Variants in LRCH1 observed in about 807,000 individuals in gnomAD.
LRCH1 encodes the protein leucine-rich repeat and calponin homology domain-containing protein 1.
Under a neutral mutation model 94.9 loss-of-function variants are expected in LRCH1, and 23 were observed. The observed-to-expected ratio is 0.24, with a 90% confidence interval of 0.17 to 0.34. LRCH1 has a LOEUF of 0.34. Ranked by LOEUF, LRCH1 falls within the 10% of genes least tolerant of loss-of-function variation. The pLI, the probability that LRCH1 is intolerant of heterozygous loss-of-function variation, is 1.00. For synonymous variants in LRCH1, 364 were observed against 354.9 expected, an observed-to-expected ratio of 1.03 and a Z score of -0.29; for missense variants, 790 against 945.9, an observed-to-expected ratio of 0.84 and a Z score of 2.16.
chr13:46,699,641 G>A (rs961267513), intron 10 of LRCH1, among the ~76,000 whole-genome samples: 1 of 152,182 alleles, frequency 6.6e-6, no homozygotes, highest in African/African-American at 2.4e-5. Context: ...GTTGCGGGTA[G>A]TAATGTGATT....
chr13:46,585,552 C>CAAA (rs35651253), intron 1 of LRCH1, among the ~76,000 whole-genome samples: 23 of 82,072 alleles, frequency 2.8e-4, no homozygotes, highest in African/African-American at 5.9e-4. Flanking sequence ...GACTGCATCT[C>CAAA]AAAAAAAAAA....
At chr13:46,711,986 TATC>T in intron 14 of LRCH1, 142 bp downstream of exon 14, 1 of 586,256 alleles carries the variant, frequency 1.7e-6, no homozygotes, top group Non-Finnish European at 3.0e-6. Flanking sequence ...TCTCATTAGC[TATC>T]ATAGCTTTAT....
intron 2 of LRCH1, among the ~76,000 whole-genome samples, chr13:46,657,495 CTTTTCTTTTTT>C (rs2051386917): frequency 3.6e-4 from 6 of 16,816 alleles, no homozygotes; most frequent in Non-Finnish European, 3.5e-4. Context: ...TTTTTCTTTT[CTTTTCTTTTTT>C]TTTTTTTTTT....
At position 46,743,751 on chromosome 13, in the gene LRCH1, C is replaced by T. The variant is rs1488748593; in HGVS notation, c.*1903C>T. 1 of 984,024 alleles carries T rather than the reference C, an allele frequency of 1.0e-6. No homozygotes were observed. Among genetic ancestry groups the T allele is most frequent in the Non-Finnish European group, 1.2e-6 (1 of 829,580 alleles). 61.0% of individuals were successfully genotyped at this position (984,024 alleles called of 1,614,324 possible). A position where few individuals can be genotyped will look rare whatever the true frequency, so the allele number is the denominator to read the frequency against. The stretch of plus-strand genomic sequence containing the variant: ...GAAAATGGGAAAAAAAAAAAGAAAA[C>T]TTACTGGGTTGCCACCTTAAAATAA... On this transcript the variant is annotated 3_prime_UTR_variant, in exon 20 of 20. Transcript: ENST00000389797.
chr13:46,653,699 C>T (rs1045163302), intron 2 of LRCH1, among the ~76,000 whole-genome samples: 14 of 151,430 alleles, frequency 9.2e-5, no homozygotes, highest in East Asian at 3.9e-4. Flanking sequence ...GGCGTGGTGG[C>T]GTGCACCTGT....
At chr13:46,642,246 CATT>C (rs1292143496) in intron 1 of LRCH1, among the ~76,000 whole-genome samples, 1 of 152,168 alleles carries the variant, frequency 6.6e-6, no homozygotes, top group Non-Finnish European at 1.5e-5. Flanking sequence ...ATGGGTCAGT[CATT>C]TTTTTTTCTT....
At chr13:46,716,431 A>C (rs1322145305) in intron 16 of LRCH1, among the ~76,000 whole-genome samples, 9 of 152,228 alleles carry the variant, frequency 5.9e-5, no homozygotes. Context: ...AGTCTCTGAA[A>C]TATTCAAATT....
intron 7 of LRCH1, among the ~76,000 whole-genome samples, chr13:46,690,891 G>T (rs1310168734): frequency 6.6e-6 from 1 of 152,132 alleles, no homozygotes; most frequent in Non-Finnish European, 1.5e-5. Context: ...TGACATTGTG[G>T]GGTTCAGGGA....
intron 1 of LRCH1, among the ~76,000 whole-genome samples, chr13:46,622,274 A>G (rs564556401): frequency 4.0e-5 from 6 of 151,694 alleles, no homozygotes; most frequent in African/African-American, 1.5e-4. Context: ...TGCCTGGTTA[A>G]TAGAGTATAC....
chr13:46,674,924 G>A (rs1229599206), intron 3 of LRCH1, among the ~76,000 whole-genome samples: 1 of 152,156 alleles, frequency 6.6e-6, no homozygotes, highest in Non-Finnish European at 1.5e-5. Context: ...GTGGGGCTGT[G>A]ATTTTTCTCC....
At chr13:46,558,290 A>G (rs1170296804) in intron 1 of LRCH1, among the ~76,000 whole-genome samples, 1 of 152,188 alleles carries the variant, frequency 6.6e-6, no homozygotes, top group Non-Finnish European at 1.5e-5. Context: ...TGTAGAATTC[A>G]GAGGAAAAGG....
intron 1 of LRCH1, among the ~76,000 whole-genome samples, chr13:46,621,767 C>T (rs1171440687): frequency 6.6e-6 from 1 of 152,162 alleles, no homozygotes; most frequent in Non-Finnish European, 1.5e-5. Flanking sequence ...TTAGTAGCTT[C>T]ATTGTAATCA....
intron 19 of LRCH1, among the ~76,000 whole-genome samples, chr13:46,739,826 C>T (rs781281758): frequency 3.9e-5 from 6 of 152,120 alleles, no homozygotes; most frequent in Admixed American, 3.3e-4. Context: ...TCTGTGGCAT[C>T]GTGAAATTGT....
intron 13 of LRCH1, among the ~76,000 whole-genome samples, chr13:46,708,336 A>G (rs1432135550): frequency 6.8e-6 from 1 of 148,062 alleles, no homozygotes; most frequent in Non-Finnish European, 1.5e-5. Context: ...GAAGTGCACA[A>G]TCTCGGCTCA....
At chr13:46,613,212 A>T (rs992150397) in intron 1 of LRCH1, among the ~76,000 whole-genome samples, 1 of 151,994 alleles carries the variant, frequency 6.6e-6, no homozygotes, top group Non-Finnish European at 1.5e-5. Context: ...CAACATGGTG[A>T]AACCCTGTCT....
chr13:46,559,403 A>AT (rs2050105156), intron 1 of LRCH1, among the ~76,000 whole-genome samples: 1 of 152,210 alleles, frequency 6.6e-6, no homozygotes, highest in African/African-American at 2.4e-5. Flanking sequence ...TATGATTCAT[A>AT]TCCTTTTCTT....
intron 1 of LRCH1, among the ~76,000 whole-genome samples, chr13:46,637,299 C>A (rs1384188617): frequency 6.6e-6 from 1 of 152,206 alleles, no homozygotes; most frequent in East Asian, 1.9e-4. Context: ...TCCTCCCTGG[C>A]CTCCCTGCCT....
intron 1 of LRCH1, among the ~76,000 whole-genome samples, chr13:46,565,410 G>A (rs2050171920): frequency 6.6e-6 from 1 of 152,134 alleles, no homozygotes; most frequent in African/African-American, 2.4e-5. Flanking sequence ...ATGGTGAAAT[G>A]ACTTTCCTTC....
chr13:46,619,684 G>T (rs9526204), intron 1 of LRCH1, among the ~76,000 whole-genome samples: 1 of 152,018 alleles, frequency 6.6e-6, no homozygotes, highest in South Asian at 2.1e-4. Context: ...AGGGAAGGTG[G>T]GCATTCGGAT....
Sources: allele counts gnomAD v4.1 joint callset (sites outside exome capture counted in the v4.1 genomes callset), GRCh38; gene constraint gnomAD v4.1.1; transcripts MANE v1.5; gene names NCBI Gene and HGNC (gene_info 2026-07-23, HGNC 2026-07-21).